SYNJ1: variants seen among roughly 807,000 people sequenced by gnomAD.
SYNJ1 encodes the protein polyphosphatidylinositol phosphatase SYNJ1.
A neutral mutation model predicts 168.2 loss-of-function variants in SYNJ1; 78 were observed. The ratio of observed to expected loss-of-function variants is 0.46; its 90% CI spans 0.39 to 0.56. SYNJ1 has a LOEUF of 0.56. SYNJ1 is among the 20% of genes least tolerant of loss of function. The pLI, the probability that SYNJ1 is intolerant of heterozygous loss-of-function variation, is 0.00. For missense variants in SYNJ1, 1,303 were observed against 1,597.6 expected (o/e 0.82, Z 3.14); for synonymous variants, 539 against 548.6 (o/e 0.98, Z 0.24).
At chr21:32,651,521 C>A (rs555892895) in intron 22 of SYNJ1, among the ~76,000 whole-genome samples, 25 of 152,272 alleles carry the variant, frequency 1.6e-4, no homozygotes, top group African/African-American at 5.5e-4. Context: ...TAAAATCAAT[C>A]CAATTTCAGA....
At position 32,645,720 on chromosome 21, in the gene SYNJ1, T is replaced by C. The variant is rs2040033835; in HGVS notation, c.3317A>G (p.Lys1106Arg). 3.4e-6 allele frequency: 5 copies of C among 1,470,898 alleles called. No homozygotes were observed. In the African/African-American group the frequency reaches 4.3e-5, roughly 13 times the overall value. 91.1% of individuals were successfully genotyped at this position (1,470,898 alleles called of 1,614,324 possible). A position where few individuals can be genotyped will look rare whatever the true frequency, so the allele number is the denominator to read the frequency against. The change falls in exon 25 of 33, where the codon AAG (lysine) becomes AGG (arginine). Residue 1106 changes from lysine (K) to arginine (R), a missense_variant. Physicochemically the swap from Lys to Arg is conservative, Grantham distance 26. Transcript: ENST00000674351. ...GACCGGGCGGGGCGGCGGCGGCCGC[T>C]TGGGCTCCAAGGGCTGGGCGGGGTC... ...QKDPAQPLEP[K>R]RPPPPRPVAP...
intron 1 of SYNJ1, 70 bp from the exon 2 acceptor site, chr21:32,726,987 C>A (rs2043485372): frequency 1.3e-6 from 2 of 1,544,726 alleles, no homozygotes; most frequent in East Asian, 4.7e-5. Context: ...TGCAAAGCAT[C>A]CAAAAGTCCC....
intron 2 of SYNJ1, 87 bp downstream of exon 2, chr21:32,726,685 G>A: frequency 1.3e-6 from 2 of 1,503,604 alleles, no homozygotes; most frequent in African/African-American, 1.4e-5. Context: ...AAGGGTTGTC[G>A]GGCTCTTTTC....
intron 2 of SYNJ1, among the ~76,000 whole-genome samples, chr21:32,707,559 T>G (rs2042659571): frequency 6.6e-6 from 1 of 151,988 alleles, no homozygotes; most frequent in Non-Finnish European, 1.5e-5. Flanking sequence ...GTCTGAAACT[T>G]CTGGCTTCAA....
At chr21:32,688,686 A>G (rs1445189622) in intron 6 of SYNJ1, among the ~76,000 whole-genome samples, 1 of 152,216 alleles carries the variant, frequency 6.6e-6, no homozygotes, top group African/African-American at 2.4e-5. Context: ...AGTTCAAACT[A>G]CATGCCCTGT....
intron 2 of SYNJ1, among the ~76,000 whole-genome samples, chr21:32,706,597 T>A (rs1040335341): frequency 3.9e-4 from 60 of 152,092 alleles, no homozygotes; most frequent in African/African-American, 1.3e-3. Context: ...ATTTTTTCAA[T>A]GTAACCAGCA....
At chr21:32,675,947 G>A (rs2041390227) in intron 13 of SYNJ1, among the ~76,000 whole-genome samples, 1 of 152,042 alleles carries the variant, frequency 6.6e-6, no homozygotes, top group Non-Finnish European at 1.5e-5. Flanking sequence ...TAAATATCAC[G>A]GATGGCACTC....
At chr21:32,702,115 A>G in intron 2 of SYNJ1, 68 bp from the exon 3 acceptor site, 1 of 1,156,596 alleles carries the variant, frequency 8.6e-7, no homozygotes, top group Non-Finnish European at 1.2e-6. Flanking sequence ...CTAAGTATAA[A>G]TCCAGAGTTT....
Position 32,631,442 on chromosome 21 carries a change from C to T in SYNJ1, c.*363G>A. 2.5e-6 allele frequency: 4 copies of T among 1,614,154 alleles called. No homozygotes were observed. Among genetic ancestry groups the T allele is most frequent in the Admixed American group, 1.7e-5 (1 of 60,010 alleles). ...CTTCTTTGGAGAACCATGAAGTTGCCTCTGATTCTTCAGACTTGGCTCTAA... is the reference window on the plus strand; with the variant it reads ...CTTCTTTGGAGAACCATGAAGTTGCTTCTGATTCTTCAGACTTGGCTCTAA... On this transcript the variant is annotated 3_prime_UTR_variant, in exon 33 of 33. Transcript: ENST00000674351.
At chr21:32,670,408 A>G in intron 14 of SYNJ1, 36 bp from the exon 15 acceptor site, 1 of 1,528,018 alleles carries the variant, frequency 6.5e-7, no homozygotes, top group Non-Finnish European at 9.0e-7. Flanking sequence ...TTTTAAATAT[A>G]GCCTCAGGCA....
intron 12 of SYNJ1, among the ~76,000 whole-genome samples, chr21:32,677,140 T>C (rs551567489): frequency 6.6e-6 from 1 of 152,318 alleles, no homozygotes; most frequent in South Asian, 2.1e-4. Flanking sequence ...TGAATGTGTA[T>C]GGCTCATAAC....
At chr21:32,708,857 G>A (rs556054235) in intron 2 of SYNJ1, among the ~76,000 whole-genome samples, 10 of 150,434 alleles carry the variant, frequency 6.6e-5, no homozygotes, top group African/African-American at 1.5e-4. Flanking sequence ...GGTGGCTCAC[G>A]CCTGTAATCC....
In SYNJ1 at chr21:32,630,839, A is replaced by G. The variant is rs1435739365; in HGVS notation, c.*966T>C. On this transcript the variant is annotated 3_prime_UTR_variant, in exon 33 of 33. Transcript: ENST00000674351. ...AAGGGTTTTTCCTTATTTCCAATAT[A>G]CACATAGTCCAACTCTGTACACATC... is the stretch of plus-strand genomic sequence containing the variant. The G allele has an allele frequency of 2.8e-6, 2 of 702,602 alleles. No individual in the cohort carries two copies. Among genetic ancestry groups the G allele is most frequent in the Non-Finnish European group, 4.5e-6 (2 of 444,786 alleles). 43.5% of individuals were successfully genotyped at this position (702,602 alleles called of 1,614,324 possible).
At chr21:32,698,933 T>C (rs903118258) in intron 4 of SYNJ1, among the ~76,000 whole-genome samples, 6 of 152,222 alleles carry the variant, frequency 3.9e-5, no homozygotes, top group Non-Finnish European at 7.3e-5. Context: ...TTTGTTACAA[T>C]TAAATTCATT....
At chr21:32,711,129 T>C (rs577828315) in intron 2 of SYNJ1, among the ~76,000 whole-genome samples, 2 of 152,144 alleles carry the variant, frequency 1.3e-5, no homozygotes, top group South Asian at 4.1e-4. Context: ...CATGCATGAC[T>C]GAAGGGAGCC....
intron 2 of SYNJ1, among the ~76,000 whole-genome samples, chr21:32,709,497 A>AAAC (rs1555909944): frequency 5.4e-5 from 8 of 148,916 alleles, no homozygotes; most frequent in African/African-American, 2.0e-4. Context: ...AAAAAAAAAA[A>AAAC]AAAAGAAAGA....
chr21:32,703,306 G>A (rs1389209295), intron 2 of SYNJ1, among the ~76,000 whole-genome samples: 1 of 152,224 alleles, frequency 6.6e-6, no homozygotes, highest in East Asian at 1.9e-4. Flanking sequence ...ACCCGTTAAA[G>A]TGATGGGGAT....
intron 29 of SYNJ1, 66 bp downstream of exon 29, chr21:32,641,830 A>G: frequency 8.0e-7 from 1 of 1,250,028 alleles, no homozygotes; most frequent in Non-Finnish European, 1.1e-6. Flanking sequence ...CAAGGTAACA[A>G]AACTGACTAG....
chr21:32,633,373 C>T (rs868719712), intron 32 of SYNJ1, among the ~76,000 whole-genome samples: 1 of 152,000 alleles, frequency 6.6e-6, no homozygotes, highest in African/African-American at 2.4e-5. Context: ...GACAAATGAT[C>T]GGATGAAGGA....
Sources: allele counts gnomAD v4.1 joint callset (sites outside exome capture counted in the v4.1 genomes callset), GRCh38; gene constraint gnomAD v4.1.1; transcripts MANE v1.5; gene names NCBI Gene and HGNC (gene_info 2026-07-23, HGNC 2026-07-21).